LINGO2: variants seen among roughly 807,000 people sequenced by gnomAD.
LINGO2 encodes leucine-rich repeat and immunoglobulin-like domain-containing nogo receptor-interacting protein 2.
In LINGO2, 14 loss-of-function variants were observed where a neutral mutation model predicts 30.6. That is an observed-to-expected ratio of 0.46 (90% CI 0.30 to 0.72). LINGO2 has a LOEUF of 0.72. Ranked by LOEUF, LINGO2 falls within the 30% of genes least tolerant of loss-of-function variation. LINGO2 has a pLI of 0.07. For missense variants in LINGO2, 729 were observed against 751.7 expected, an observed-to-expected ratio of 0.97 and a Z score of 0.35; for synonymous variants, 317 against 288.5, an observed-to-expected ratio of 1.10 and a Z score of -1.00.
At chr9:28,282,982 A>T (rs1823382484) in intron 4 of LINGO2, among the ~76,000 whole-genome samples, 1 of 152,144 alleles carries the variant, frequency 6.6e-6, no homozygotes, top group Non-Finnish European at 1.5e-5. Flanking sequence ...TTTCTGTTTC[A>T]GTCCATACTC....
chr9:28,185,815 T>C lies in LINGO2; in HGVS notation c.-87+109393A>G, dbSNP rs562031871. 9.2e-5 allele frequency among the ~76,000 whole-genome samples: 14 copies of C among 152,256 alleles called. No individual in the cohort carries two copies. In the South Asian group the frequency reaches 2.9e-3, roughly 32 times the overall value. Reference sequence around the variant, plus strand: ...TGACATTATTCTGAACCAGTTATTCTAGGGAATGGTCAGAAATCTGCATCT... The same window carrying C: ...TGACATTATTCTGAACCAGTTATTCCAGGGAATGGTCAGAAATCTGCATCT... On this transcript the variant is annotated intron_variant, in intron 4 of 5. Coordinates refer to ENST00000379992, the Ensembl canonical transcript of LINGO2.
intron 4 of LINGO2, among the ~76,000 whole-genome samples, chr9:28,237,915 T>C (rs1044449818): frequency 6.6e-6 from 1 of 151,816 alleles, no homozygotes; most frequent in African/African-American, 2.4e-5. Context: ...GCACATAGAT[T>C]GAAAATAAAG....
the LINGO2 span, among the ~76,000 whole-genome samples, chr9:28,764,279 T>C: frequency 6.6e-6 from 1 of 151,854 alleles, no homozygotes; most frequent in Non-Finnish European, 1.5e-5. Flanking sequence ...GGAAACCTAA[T>C]TTAACAACAC....
At chr9:29,101,145 A>C in the LINGO2 span, among the ~76,000 whole-genome samples, 36,890 of 151,976 alleles carry the variant, frequency 0.24, 4,602 homozygotes, top group East Asian at 0.4. Context: ...CATTTAATTT[A>C]TTAGGGGTTA....
At chr9:28,072,391 T>G (rs530508508) in intron 4 of LINGO2, among the ~76,000 whole-genome samples, 1 of 152,354 alleles carries the variant, frequency 6.6e-6, no homozygotes, top group South Asian at 2.1e-4. Context: ...CAGAACATTT[T>G]CCATCTTTGA....
At chr9:28,674,239 T>C (rs1297528843), upstream of LINGO2, among the ~76,000 whole-genome samples, 2 of 148,914 alleles carry the variant, frequency 1.3e-5, no homozygotes, top group African/African-American at 5.0e-5. Flanking sequence ...ATAATAACTG[T>C]GGCTCTGCTG....
intron 4 of LINGO2, among the ~76,000 whole-genome samples, chr9:28,045,047 A>C (rs1824354351): frequency 6.6e-6 from 1 of 152,024 alleles, no homozygotes; most frequent in Non-Finnish European, 1.5e-5. Context: ...GGGCTCTGAG[A>C]AAGCCAGTGA....
At chr9:28,108,955 A>T (rs1397066731) in intron 4 of LINGO2, among the ~76,000 whole-genome samples, 1 of 151,888 alleles carries the variant, frequency 6.6e-6, no homozygotes, top group Non-Finnish European at 1.5e-5. Flanking sequence ...ATGCTATAAA[A>T]AAAAGGAAAA....
chr9:29,151,134 T>G, the LINGO2 span, among the ~76,000 whole-genome samples: 1 of 151,806 alleles, frequency 6.6e-6, no homozygotes, highest in East Asian at 1.9e-4. Flanking sequence ...AAAAAAAAAT[T>G]TCAACCAAGA....
At chr9:29,083,240 A>C in the LINGO2 span, among the ~76,000 whole-genome samples, 1 of 152,236 alleles carries the variant, frequency 6.6e-6, no homozygotes, top group East Asian at 1.9e-4. Context: ...GCACCATGGA[A>C]TACCATGCAG....
At chr9:28,919,072 T>TC in the LINGO2 span, among the ~76,000 whole-genome samples, 1 of 152,182 alleles carries the variant, frequency 6.6e-6, no homozygotes, top group African/African-American at 2.4e-5. Context: ...ATGCAGACAT[T>TC]CCTTTGTTGC....
intron 5 of LINGO2, among the ~76,000 whole-genome samples, chr9:28,005,675 G>A (rs532662778): frequency 6.6e-6 from 1 of 152,182 alleles, no homozygotes; most frequent in South Asian, 2.1e-4. Flanking sequence ...TTCAGTCTGA[G>A]ATTCATTTCA....
At chr9:29,002,819 C>T in the LINGO2 span, among the ~76,000 whole-genome samples, 7 of 151,868 alleles carry the variant, frequency 4.6e-5, no homozygotes, top group Admixed American at 4.6e-4. Context: ...CCTTTACCTG[C>T]TAGTTTGGCA....
intron 2 of LINGO2, among the ~76,000 whole-genome samples, chr9:28,426,226 T>C (rs1192045283): frequency 6.6e-6 from 1 of 151,962 alleles, no homozygotes; most frequent in Non-Finnish European, 1.5e-5. Context: ...AAATGATAAA[T>C]AGCACATCCC....
chr9:28,391,307 A>T (rs1244556228), intron 2 of LINGO2, among the ~76,000 whole-genome samples: 2 of 152,146 alleles, frequency 1.3e-5, no homozygotes, highest in African/African-American at 4.8e-5. Context: ...ACTTATTAGA[A>T]ATTAGAGCTT....
chr9:29,031,736 TA>T, the LINGO2 span, among the ~76,000 whole-genome samples: 1 of 152,118 alleles, frequency 6.6e-6, no homozygotes, highest in Admixed American at 6.6e-5. Context: ...AAAAACTGAA[TA>T]AAGCAGTCTA....
At chr9:28,439,679 G>A (rs1329617908) in intron 2 of LINGO2, among the ~76,000 whole-genome samples, 2 of 152,124 alleles carry the variant, frequency 1.3e-5, no homozygotes, top group African/African-American at 2.4e-5. Flanking sequence ...TGCCATGATT[G>A]TAAGTTTCCT....
chr9:28,997,152 G>A, the LINGO2 span, among the ~76,000 whole-genome samples: 2 of 152,172 alleles, frequency 1.3e-5, no homozygotes, highest in Non-Finnish European at 1.5e-5. Context: ...TGGAAGGACA[G>A]GCATGGTGGC....
chr9:28,373,635 C>T (rs561303209), intron 2 of LINGO2, among the ~76,000 whole-genome samples: 1 of 152,150 alleles, frequency 6.6e-6, no homozygotes, highest in Non-Finnish European at 1.5e-5. Flanking sequence ...CGCAGTGGCT[C>T]ATGCCTGTAA....
Sources: allele counts gnomAD v4.1 joint callset (sites outside exome capture counted in the v4.1 genomes callset), GRCh38; gene constraint gnomAD v4.1.1; transcripts MANE v1.5; gene names NCBI Gene and HGNC (gene_info 2026-07-23, HGNC 2026-07-21).